DHRS3: variants seen among roughly 807,000 people sequenced by gnomAD.
DHRS3 encodes the protein short-chain dehydrogenase/reductase 3.
DHRS3 carries 14 observed loss-of-function variants against 27.2 expected under a neutral mutation model. That is an observed-to-expected ratio of 0.52 (90% CI 0.34 to 0.81). The LOEUF (loss-of-function observed/expected upper bound fraction) is 0.81. Among genes scored for constraint, DHRS3 ranks in the 30% least tolerant of loss-of-function variants. The pLI is 0.01. For synonymous variants in DHRS3, 165 were observed against 175.9 expected (o/e 0.94, Z 0.49); for missense variants, 322 against 406.2 (o/e 0.79, Z 1.78).
At chr1:12,598,044 C>T (rs1197168271) in intron 1 of DHRS3, among the ~76,000 whole-genome samples, 1 of 152,214 alleles carries the variant, frequency 6.6e-6, no homozygotes, top group African/African-American at 2.4e-5. Context: ...GGCAGAGCCA[C>T]TCCAGGAAGA....
intron 1 of DHRS3, among the ~76,000 whole-genome samples, chr1:12,582,145 G>A (rs11121944): frequency 0.016 from 2,367 of 152,218 alleles, 56 homozygotes; most frequent in African/African-American, 0.055. Flanking sequence ...ATTTTGCTTT[G>A]TTACACGGTA....
At chr1:12,579,434 G>A (rs896901144) in intron 2 of DHRS3, 22 bp from the exon 3 acceptor site, 21 of 1,611,974 alleles carry the variant, frequency 1.3e-5, no homozygotes, top group Admixed American at 1.7e-5. Context: ...AGGGAGCCAC[G>A]GGGCCATGAG....
Position 12,616,503 on chromosome 1 carries a change from G to C in DHRS3, c.195+651C>G, listed in dbSNP as rs533510865. The C allele has an allele frequency of 1.3e-4, 124 of 956,412 alleles. 2 individuals are homozygous for C. The South Asian group carries it at 5.5e-3, about 42-fold the overall frequency. The allele number at this position is 956,412 out of a possible 1,614,324, so 59.2% of individuals were successfully genotyped here. ...GAGGGATCCCTGGGGGGTGTACTGGGGGGGAGGGGACAGGGTTGAAGGTGA... is the reference window on the plus strand; with the variant it reads ...GAGGGATCCCTGGGGGGTGTACTGGCGGGGAGGGGACAGGGTTGAAGGTGA... On this transcript the variant is annotated intron_variant, in intron 1 of 5. Transcript: ENST00000616661.
intron 1 of DHRS3, among the ~76,000 whole-genome samples, chr1:12,584,960 T>C (rs909671398): frequency 4.0e-5 from 6 of 151,862 alleles, no homozygotes; most frequent in African/African-American, 1.5e-4. Context: ...CGTGTGTCTG[T>C]GGGTGTCTCT....
intron 1 of DHRS3, 56 bp downstream of exon 1, chr1:12,617,098 T>C (rs1182888582): frequency 6.5e-7 from 1 of 1,535,076 alleles, no homozygotes; most frequent in Non-Finnish European, 8.8e-7. Flanking sequence ...CGGCAGCAGG[T>C]GGGCTTACCC....
intron 1 of DHRS3, among the ~76,000 whole-genome samples, chr1:12,612,056 G>C (rs1211729336): frequency 6.6e-6 from 1 of 152,184 alleles, no homozygotes; most frequent in Non-Finnish European, 1.5e-5. Flanking sequence ...GAAGGGCCTG[G>C]GGGAGTAAGA....
intron 4 of DHRS3, among the ~76,000 whole-genome samples, chr1:12,575,358 T>C (rs1169368050): frequency 1.3e-5 from 2 of 151,388 alleles, no homozygotes; most frequent in Non-Finnish European, 2.9e-5. Flanking sequence ...GCTCAATAAA[T>C]AGCAATTTAT....
At chr1:12,605,476 T>C (rs959655361) in intron 1 of DHRS3, among the ~76,000 whole-genome samples, 1 of 152,202 alleles carries the variant, frequency 6.6e-6, no homozygotes, top group Non-Finnish European at 1.5e-5. Context: ...TATATTCCCA[T>C]GTATATTAAC....
rs546614214 is a variant in DHRS3, at chr1:12,570,246, G to C, written c.825-1822C>G. ...TGGGCTCACCTTCAGGCTTCTCCTC[G>C]TACAACCGGAGTTCCGACGCTTCCC... On this transcript the variant is annotated intron_variant, in intron 5 of 5. Transcript: ENST00000616661. 2.6e-5 allele frequency among the ~76,000 whole-genome samples: 4 copies of C among 152,280 alleles called. No homozygotes were observed. In the East Asian group the frequency reaches 5.8e-4, roughly 22 times the overall value.
chr1:12,608,096 C>T lies in DHRS3; in HGVS notation c.195+9058G>A, dbSNP rs996302636. Reference sequence around the variant, plus strand: ...CTCATCCCGTTGGACAGGCTGGTCTCGAACTCCTGACGTCAAGTGATCTGC... The same window carrying T: ...CTCATCCCGTTGGACAGGCTGGTCTTGAACTCCTGACGTCAAGTGATCTGC... On this transcript the variant is annotated intron_variant, in intron 1 of 5. Transcript: ENST00000616661. The surrounding 1 kb of genome is among the most constrained non-coding windows in gnomAD (Gnocchi z 4.1). Among the ~76,000 whole-genome samples, 5 of 152,126 alleles carry T rather than the reference C, an allele frequency of 3.3e-5. No individual in the cohort carries two copies. Among genetic ancestry groups the T allele is most frequent in the Non-Finnish European group, 7.4e-5 (5 of 68,016 alleles).
intron 4 of DHRS3, among the ~76,000 whole-genome samples, chr1:12,573,514 C>T (rs1646557818): frequency 6.6e-6 from 1 of 152,238 alleles, no homozygotes; most frequent in Non-Finnish European, 1.5e-5. Flanking sequence ...GCATCTGATA[C>T]ATAGTATGTG....
intron 1 of DHRS3, among the ~76,000 whole-genome samples, chr1:12,610,718 T>C (rs139811304): frequency 3.9e-5 from 6 of 152,340 alleles, no homozygotes; most frequent in Non-Finnish European, 7.3e-5. Context: ...TAGACTCACT[T>C]TTCTCATTTC....
In DHRS3 at chr1:12,617,244, G is replaced by A. The variant is rs771890260; in HGVS notation, c.105C>T (p.Asp35=). 1 of 1,613,772 alleles carries A rather than the reference G, an allele frequency of 6.2e-7. No homozygotes were observed. Among genetic ancestry groups the A allele is most frequent in the Non-Finnish European group, 8.5e-7 (1 of 1,179,976 alleles). ...VGLVLPAKLR[D]LSRENVLITG... ...TGATGAGGACGTTCTCCCGCGACAG[G>A]TCCCGCAGCTTGGCGGGCAGCACCA... is the stretch of plus-strand genomic sequence containing the variant. The change falls in exon 1 of 6, where the codon GAC becomes GAT. Residue 35 remains aspartate (D), a synonymous_variant. Coordinates refer to ENST00000616661, the MANE Select transcript of DHRS3 (RefSeq NM_004753.7).
Position 12,574,988 on chromosome 1 carries a change from TA to T in DHRS3, c.699-2136del, listed in dbSNP as rs906409250. On this transcript the variant is annotated intron_variant, in intron 4 of 5. Transcript: ENST00000616661. The surrounding 1 kb of genome is among the most constrained non-coding windows in gnomAD (Gnocchi z 4.6). ...TGAGGGCCAAATGCAGCAGCACTTG[TA>T]AAGTGTCTAGTGGTTCTAGGTGGTT... 2.0e-5 allele frequency among the ~76,000 whole-genome samples: 3 copies of T among 152,162 alleles called. No homozygotes were observed. Among genetic ancestry groups the T allele is most frequent in the Admixed American group, 6.5e-5 (1 of 15,270 alleles).
intron 1 of DHRS3, among the ~76,000 whole-genome samples, chr1:12,612,799 C>T (rs1646919132): frequency 6.6e-6 from 1 of 152,128 alleles, no homozygotes; most frequent in Non-Finnish European, 1.5e-5. Flanking sequence ...TGGCTCACAC[C>T]TGTAATCCGA....
chr1:12,602,456 CA>C (rs1222700964), intron 1 of DHRS3, among the ~76,000 whole-genome samples: 1 of 151,752 alleles, frequency 6.6e-6, no homozygotes, highest in Non-Finnish European at 1.5e-5. Context: ...GCTTCTGTGG[CA>C]GGGGCACAAC....
chr1:12,582,859 ATCCATCCATCCATCCC>A (rs1482718706), intron 1 of DHRS3, among the ~76,000 whole-genome samples: 2 of 148,964 alleles, frequency 1.3e-5, no homozygotes, highest in Admixed American at 6.7e-5. Context: ...CCATCCATCC[ATCCATCCATCCATCCC>A]TCCCTCCCTC....
At position 12,568,347 on chromosome 1, in the gene DHRS3, C is replaced by T. The variant is rs753987334; in HGVS notation, c.902G>A (p.Arg301Gln). ...TYTCMNTFKG[R>Q]T ...CATGTCTTCATCCTGTCTCTATGTC[C>T]GCCCTTTGAAAGTGTTCATGCAGGT... Residue 301 changes from arginine (R) to glutamine (Q), a missense_variant, in exon 6 of 6, where the codon CGG (arginine) becomes CAG (glutamine). Arg to Gln is a conservative substitution (Grantham distance 43). Transcript: ENST00000616661. The T allele has an allele frequency of 5.7e-5, 92 of 1,613,588 alleles. No individual in the cohort carries two copies. Among genetic ancestry groups the T allele is most frequent in the African/African-American group, 1.2e-4 (9 of 74,914 alleles).
intron 1 of DHRS3, among the ~76,000 whole-genome samples, chr1:12,585,240 T>TGTGTCTATGTGA (rs1283747293): frequency 7.1e-6 from 1 of 140,066 alleles, no homozygotes; most frequent in African/African-American, 3.3e-5. Flanking sequence ...TATGTGAGTG[T>TGTGTCTATGTGA]GTGTCTCTGT....
Sources: gnomAD v4.1 joint callset for allele counts (sites outside exome capture counted in the v4.1 genomes callset) on GRCh38, gnomAD v4.1.1 for gene constraint, Gnocchi (gnomAD v3.1) non-coding constraint, MANE v1.5 for transcripts, NCBI Gene and HGNC (gene_info 2026-07-23, HGNC 2026-07-21) for gene names.